Variants in NRG4 observed in about 807,000 individuals in gnomAD.
The protein encoded by NRG4 is neuregulin 4, also known as pro-neuregulin-4, membrane-bound isoform.
Under a neutral mutation model 15.0 loss-of-function variants are expected in NRG4, and 10 were observed. The observed-to-expected ratio is 0.67, with a 90% CI of 0.41 to 1.13. NRG4 has a LOEUF of 1.13. NRG4 is among the 50% of genes most tolerant of loss of function. NRG4 has a pLI of 0.00. For synonymous variants in NRG4, 41 were observed against 50.1 expected (o/e 0.82, Z 0.77); for missense variants, 139 against 140.2 (o/e 0.99, Z 0.04).
At chr15:76,049,740 T>C (rs1356807900) in intron 4 of NRG4, among the ~76,000 whole-genome samples, 1 of 150,954 alleles carries the variant, frequency 6.6e-6, no homozygotes, top group Admixed American at 6.6e-5. Flanking sequence ...GATTTTCAGA[T>C]TACCATACTG....
intron 4 of NRG4, among the ~76,000 whole-genome samples, chr15:76,049,914 G>T (rs1289553880): frequency 1.3e-5 from 2 of 150,752 alleles, no homozygotes; most frequent in Non-Finnish European, 2.9e-5. Flanking sequence ...CATTTCTGTC[G>T]ATGGTAACAT....
chr15:75,961,915 A>C lies in NRG4; in HGVS notation c.164T>G (p.Ile55Ser), dbSNP rs532037241. Residue 55 changes from isoleucine (I) to serine (S), a missense_variant, in exon 4 of 6, where the codon ATC becomes AGC. Ile to Ser is a moderately radical substitution (Grantham distance 142). Transcript: ENST00000394907. ...CEEVFLPGSS[I>S]QTKSNLFEAF... is the part of the protein sequence containing the mutation. ...TTCAAACAGGTTACTTTTAGTTTGG[A>C]TGCTGGAGCCTGGGAGAAAAACCTC... 2 of 1,613,542 alleles carry C rather than the reference A, an allele frequency of 1.2e-6. No individual in the cohort carries two copies. The highest frequency in any genetic ancestry group is 1.7e-6 in the Non-Finnish European group (2 of 1,179,574).
Position 76,011,280 on chromosome 15 carries a change from A to T in NRG4, c.-50T>A. 7.2e-7 allele frequency: 1 copy of T among 1,389,468 alleles called. No individual in the cohort carries two copies. Among genetic ancestry groups the T allele is most frequent in the Non-Finnish European group, 9.4e-7 (1 of 1,058,444 alleles). The allele number at this position is 1,389,468 out of a possible 1,614,324, so 86.1% of individuals were successfully genotyped here. A position where few individuals can be genotyped will look rare whatever the true frequency, so the allele number is the denominator to read the frequency against. On this transcript the variant is annotated 5_prime_UTR_variant, in exon 2 of 6. An upstream open reading frame in the 5' UTR gains an earlier in-frame stop. Transcript: ENST00000394907. ...TTGGTCAAGAGAGTAGGGTTGAAAA[A>T]CAGTACCTAAAACGGTTTAAAAAGT...
chr15:75,984,214 G>T (rs904224158), intron 3 of NRG4, among the ~76,000 whole-genome samples: 16 of 152,134 alleles, frequency 1.1e-4, no homozygotes, highest in African/African-American at 3.4e-4. Context: ...TGTTGATGCA[G>T]GTTCCTCAAT....
intron 4 of NRG4, among the ~76,000 whole-genome samples, chr15:76,051,210 T>G (rs1017350771): frequency 6.7e-6 from 1 of 149,056 alleles, no homozygotes; most frequent in Non-Finnish European, 1.5e-5. Context: ...TTTCACCGTT[T>G]TAGCCGGGAT....
At chr15:75,981,384 AC>A (rs966783419) in intron 3 of NRG4, among the ~76,000 whole-genome samples, 1 of 152,076 alleles carries the variant, frequency 6.6e-6, no homozygotes, top group Non-Finnish European at 1.5e-5. Flanking sequence ...ACCCAGCATC[AC>A]CTGCTTGAAT....
At chr15:76,035,866 G>A (rs1448952283) in intron 5 of NRG4, 2 of 152,240 alleles carry the variant, frequency 1.3e-5, no homozygotes, top group South Asian at 2.1e-4. Flanking sequence ...AGCTATTGTT[G>A]ATGACATACC....
intron 5 of NRG4, among the ~76,000 whole-genome samples, chr15:76,024,158 G>A (rs1001108967): frequency 6.6e-6 from 1 of 152,188 alleles, no homozygotes; most frequent in African/African-American, 2.4e-5. Flanking sequence ...GTAAGTCTTG[G>A]GCCTAAGAAA....
chr15:75,944,560 TGTG>T (rs1272999426), intron 5 of NRG4, among the ~76,000 whole-genome samples: 4 of 152,280 alleles, frequency 2.6e-5, no homozygotes, highest in East Asian at 1.9e-4. Flanking sequence ...GGCTTGATGG[TGTG>T]GTGGCAGGAG....
At chr15:76,008,251 GAAGAAAAA>G (rs1188161227) in intron 3 of NRG4, among the ~76,000 whole-genome samples, 63 of 151,972 alleles carry the variant, frequency 4.1e-4, no homozygotes, top group Non-Finnish European at 7.6e-4. Flanking sequence ...ATTCACTAGA[GAAGAAAAA>G]CACCTGGGCA....
At chr15:75,967,750 A>G (rs1300079580) in intron 3 of NRG4, among the ~76,000 whole-genome samples, 1 of 151,996 alleles carries the variant, frequency 6.6e-6, no homozygotes, top group Non-Finnish European at 1.5e-5. Context: ...GTGTGAGCCA[A>G]CGTGCCTGGC....
In NRG4 at chr15:75,941,462, A is replaced by G. The variant is rs774813352; in HGVS notation, c.*2176T>C. 2 of 152,206 alleles carry G rather than the reference A, an allele frequency of 1.3e-5. No individual in the cohort carries two copies. Among genetic ancestry groups the G allele is most frequent in the Admixed American group, 6.5e-5 (1 of 15,284 alleles). The allele number at this position is 152,206 out of a possible 1,614,324, so 9.4% of individuals were successfully genotyped here. A position where few individuals can be genotyped will look rare whatever the true frequency, so the allele number is the denominator to read the frequency against. The stretch of plus-strand genomic sequence containing the variant: ...TAATTGAAAGCGGAGGCTTGAGGGT[A>G]TATTTGTATACCAGTGTTCACTGCA... On this transcript the variant is annotated 3_prime_UTR_variant, in exon 6 of 6. Coordinates refer to ENST00000394907, the MANE Select transcript of NRG4 (RefSeq NM_138573.4).
chr15:76,022,880 T>C (rs943761650), intron 5 of NRG4, among the ~76,000 whole-genome samples: 1 of 151,904 alleles, frequency 6.6e-6, no homozygotes. Flanking sequence ...AGAAAGCAGT[T>C]TGGAGGCTGT....
intron 1 of NRG4, among the ~76,000 whole-genome samples, chr15:76,058,403 C>T (rs1030335649): frequency 6.6e-6 from 1 of 152,154 alleles, no homozygotes; most frequent in African/African-American, 2.4e-5. Context: ...GAAGGAGGAT[C>T]TGAAGAAATT....
At chr15:76,007,423 C>T (rs899076635) in intron 3 of NRG4, among the ~76,000 whole-genome samples, 20 of 150,338 alleles carry the variant, frequency 1.3e-4, no homozygotes, top group Admixed American at 2.7e-4. Context: ...AATTATTAAA[C>T]GCACTTTTTT....
At chr15:75,945,029 T>C (rs1394459320) in intron 5 of NRG4, among the ~76,000 whole-genome samples, 3 of 151,986 alleles carry the variant, frequency 2.0e-5, no homozygotes, top group South Asian at 2.1e-4. Flanking sequence ...AAATAAGTCC[T>C]TACCATGTCA....
intron 2 of NRG4, among the ~76,000 whole-genome samples, chr15:76,010,450 A>G (rs1289242541): frequency 2.0e-5 from 3 of 152,132 alleles, no homozygotes; most frequent in South Asian, 2.1e-4. Context: ...TATAATTGCT[A>G]TGAGTCAGAT....
Position 76,044,248 on chromosome 15 carries a change from C to T in NRG4, c.-105+7819G>A, listed in dbSNP as rs186202083. ...CGATCTCCTGACCTCATGATCCACC[C>T]GCCTCGGCCTCCCAAAGTGCTGGGA... On this transcript the variant is annotated intron_variant, in intron 4 of 8. Transcript: ENST00000563910. Among the ~76,000 whole-genome samples the T allele has an allele frequency of 2.7e-3, 400 of 149,914 alleles. 23 individuals are homozygous for T. The highest frequency in any genetic ancestry group is 9.3e-3 in the African/African-American group (373 of 40,138).
At chr15:76,038,978 G>A (rs1039515496) in intron 4 of NRG4, among the ~76,000 whole-genome samples, 2 of 152,212 alleles carry the variant, frequency 1.3e-5, no homozygotes, top group Non-Finnish European at 2.9e-5. Context: ...GTAAACCAGA[G>A]AATTCTTCCA....
Sources: allele counts gnomAD v4.1 joint callset (sites outside exome capture counted in the v4.1 genomes callset), GRCh38; gene constraint gnomAD v4.1.1; transcripts MANE v1.5; gene names NCBI Gene and HGNC (gene_info 2026-07-23, HGNC 2026-07-21).